Variants in TRAF3IP1 observed in about 807,000 individuals in gnomAD.
The protein encoded by TRAF3IP1 is TRAF3-interacting protein 1.
A neutral mutation model predicts 89.9 loss-of-function variants in TRAF3IP1; 53 were observed. The ratio of observed to expected loss-of-function variants is 0.59; its 90% CI spans 0.47 to 0.74. The LOEUF (loss-of-function observed/expected upper bound fraction) is 0.74, where lower values mean the gene tolerates loss of function less well. Among genes scored for constraint, TRAF3IP1 ranks in the 30% least tolerant of loss-of-function variants. The probability of loss-of-function intolerance (pLI) is 0.00; values close to 1 mark genes in which losing one functional copy is unlikely to be tolerated. For missense variants in TRAF3IP1, 806 were observed against 866.1 expected, an observed-to-expected ratio of 0.93 and a Z score of 0.87; for synonymous variants, 311 against 322.1, an observed-to-expected ratio of 0.97 and a Z score of 0.37.
chr2:238,366,943 C>T (rs948532526), intron 15 of TRAF3IP1, among the ~76,000 whole-genome samples: 2 of 151,824 alleles, frequency 1.3e-5, no homozygotes, highest in African/African-American at 4.8e-5. Flanking sequence ...GCGGGCAGAT[C>T]ACGAAGTCGG....
At chr2:238,336,660 AG>A (rs1419691118) in intron 7 of TRAF3IP1, among the ~76,000 whole-genome samples, 1 of 152,212 alleles carries the variant, frequency 6.6e-6, no homozygotes, top group Non-Finnish European at 1.5e-5. Context: ...TGACTTAATG[AG>A]TACATTTTAA....
intron 15 of TRAF3IP1, among the ~76,000 whole-genome samples, chr2:238,374,158 C>T (rs1700221253): frequency 6.6e-6 from 1 of 152,216 alleles, no homozygotes; most frequent in Non-Finnish European, 1.5e-5. Context: ...CCGGAACTTC[C>T]AACACTGTGT....
intron 3 of TRAF3IP1, 83 bp downstream of exon 3, chr2:238,326,053 C>A: frequency 6.9e-7 from 1 of 1,439,830 alleles, no homozygotes; most frequent in Admixed American, 2.3e-5. Flanking sequence ...CATGTGCGGG[C>A]GGTTTAGGGA....
At chr2:238,348,251 A>C (rs1698992220) in intron 10 of TRAF3IP1, among the ~76,000 whole-genome samples, 1 of 152,178 alleles carries the variant, frequency 6.6e-6, no homozygotes, top group African/African-American at 2.4e-5. Context: ...TCTACTGCTT[A>C]TAACTTAAAT....
intron 15 of TRAF3IP1, among the ~76,000 whole-genome samples, chr2:238,380,352 C>G (rs1226248998): frequency 6.6e-6 from 1 of 152,162 alleles, no homozygotes; most frequent in Non-Finnish European, 1.5e-5. Flanking sequence ...AACGACTGAT[C>G]CTGTTAAACC....
chr2:238,382,553 C>T (rs560487790), intron 15 of TRAF3IP1, among the ~76,000 whole-genome samples: 17 of 151,848 alleles, frequency 1.1e-4, no homozygotes, highest in East Asian at 5.8e-4. Context: ...ATCAGCAGGT[C>T]GGGGAGGATG....
intron 15 of TRAF3IP1, among the ~76,000 whole-genome samples, chr2:238,374,292 T>C (rs1700225586): frequency 1.3e-5 from 2 of 152,216 alleles, no homozygotes; most frequent in African/African-American, 4.8e-5. Flanking sequence ...CTAATTATTT[T>C]GAGATACGTT....
rs1699228567 is a variant in TRAF3IP1 at position 238,352,728 on chromosome 2, G to A, written c.1452-99G>A. The A allele has an allele frequency of 9.3e-6, 11 of 1,179,098 alleles. No individual in the cohort carries two copies. In the South Asian group the frequency reaches 1.4e-4, roughly 15 times the overall value. 73.0% of individuals were successfully genotyped at this position (1,179,098 alleles called of 1,614,324 possible). A position where few individuals can be genotyped will look rare whatever the true frequency, so the allele number is the denominator to read the frequency against. On this transcript the variant is annotated intron_variant, in intron 12 of 16. Transcript: ENST00000373327. ...ATGCTGTTCTAGCTAGAGATGGTTG[G>A]TGATTAGATTCCTCTCTGCCGACCT...
chr2:238,376,837 G>A (rs1228194108), intron 15 of TRAF3IP1, among the ~76,000 whole-genome samples: 1 of 151,986 alleles, frequency 6.6e-6, no homozygotes. Flanking sequence ...TGTTTTCTTC[G>A]CTGTAATAGC....
chr2:238,384,757 A>G (rs1700695943), intron 15 of TRAF3IP1, among the ~76,000 whole-genome samples: 1 of 152,086 alleles, frequency 6.6e-6, no homozygotes, highest in African/African-American at 2.4e-5. Flanking sequence ...TCATTTCAGC[A>G]AAGATGAAGA....
Position 238,332,818 on chromosome 2 carries a change from TA to T in TRAF3IP1, c.916-4del. The stretch of plus-strand genomic sequence containing the variant: ...CTAAAGTTTGAATTTTTTTTTTTTT[TA>T]ATAGTCAGCAAGCTCAGGGGAGATG... On this transcript the variant is annotated splice_region_variant and splice_polypyrimidine_tract_variant and intron_variant, in intron 5 of 16. Transcript: ENST00000373327. 6.3e-7 allele frequency: 1 copy of T among 1,595,928 alleles called. No individual in the cohort carries two copies. The highest frequency in any genetic ancestry group is 1.4e-5 in the African/African-American group (1 of 73,940).
intron 15 of TRAF3IP1, among the ~76,000 whole-genome samples, chr2:238,396,276 A>G (rs1310031995): frequency 6.6e-6 from 1 of 151,240 alleles, no homozygotes; most frequent in Non-Finnish European, 1.5e-5. Context: ...AACTGTCGCA[A>G]GGACAAAAAA....
chr2:238,337,005 C>T (rs983389604), intron 7 of TRAF3IP1, among the ~76,000 whole-genome samples: 2 of 151,878 alleles, frequency 1.3e-5, no homozygotes, highest in Non-Finnish European at 1.5e-5. Context: ...CTGGGGCCTG[C>T]GCTCTAGAAC....
intron 15 of TRAF3IP1, among the ~76,000 whole-genome samples, chr2:238,363,235 A>G (rs990803082): frequency 4.6e-5 from 7 of 152,128 alleles, no homozygotes; most frequent in African/African-American, 1.7e-4. Context: ...GACTTTTCCT[A>G]GTCTCTTGAA....
At chr2:238,349,005 C>G (rs1699025769) in intron 11 of TRAF3IP1, among the ~76,000 whole-genome samples, 157 bp downstream of exon 11, 3 of 152,106 alleles carry the variant, frequency 2.0e-5, no homozygotes. Context: ...GTTTTCTGTA[C>G]TGGAGTTATA....
At chr2:238,334,867 T>C (rs1195177311) in intron 7 of TRAF3IP1, among the ~76,000 whole-genome samples, 1 of 152,224 alleles carries the variant, frequency 6.6e-6, no homozygotes, top group African/African-American at 2.4e-5. Flanking sequence ...GGTGTGGCAT[T>C]ATGGCTACTG....
rs1472860130 is a variant in TRAF3IP1, at chr2:238,379,841, T to G, written c.1690-17618T>G. 6.6e-6 allele frequency among the ~76,000 whole-genome samples: 1 copy of G among 152,210 alleles called. No homozygotes were observed. Among genetic ancestry groups the G allele is most frequent in the Non-Finnish European group, 1.5e-5 (1 of 68,038 alleles). On this transcript the variant is annotated intron_variant, in intron 15 of 16. Coordinates refer to ENST00000373327, the MANE Select transcript of TRAF3IP1 (RefSeq NM_015650.4). This position sits in a 1 kb window ranked among gnomAD's most constrained non-coding sequence, Gnocchi z 4.0. ...TAGCAATAGGCTCAATAGAAAATGA[T>G]TAATATTTTAGTAAGACATTTAAAA...
intron 15 of TRAF3IP1, among the ~76,000 whole-genome samples, chr2:238,357,727 G>A (rs1167467809): frequency 1.3e-5 from 2 of 152,158 alleles, no homozygotes; most frequent in African/African-American, 4.8e-5. Flanking sequence ...TGTCCCTGGT[G>A]GTATTTCTGA....
intron 5 of TRAF3IP1, 60 bp from the exon 6 acceptor site, chr2:238,332,764 A>AT (rs1698190698): frequency 7.8e-7 from 1 of 1,287,556 alleles, no homozygotes. Context: ...ATCTTGGCAT[A>AT]TTTTTAGATA....
Sources: allele counts gnomAD v4.1 joint callset (sites outside exome capture counted in the v4.1 genomes callset), GRCh38; gene constraint gnomAD v4.1.1; non-coding constraint Gnocchi (gnomAD v3.1); transcripts MANE v1.5; gene names NCBI Gene and HGNC (gene_info 2026-07-23, HGNC 2026-07-21).